Variants in FOXP2 observed in about 807,000 individuals in gnomAD.
FOXP2 encodes forkhead box P2.
A neutral mutation model predicts 115.8 loss-of-function variants in FOXP2; 12 were observed. That is an observed-to-expected ratio of 0.10 (90% CI 0.07 to 0.17). The LOEUF (loss-of-function observed/expected upper bound fraction) is 0.17, where lower values mean the gene tolerates loss of function less well. Ranked by LOEUF, FOXP2 falls within the 10% of genes least tolerant of loss-of-function variation. The probability of loss-of-function intolerance (pLI) is 1.00; values close to 1 mark genes in which losing one functional copy is unlikely to be tolerated. For synonymous variants in FOXP2, 328 were observed against 297.7 expected (o/e 1.10, Z -1.05); for missense variants, 629 against 843.5 (o/e 0.75, Z 3.15).
intron 3 of FOXP2, among the ~76,000 whole-genome samples, chr7:114,615,962 A>T (rs2129320611): frequency 1.3e-5 from 2 of 152,222 alleles, no homozygotes; most frequent in South Asian, 4.1e-4. Context: ...CTCTTTGTTT[A>T]ACACCTTCTT....
intron 1 of FOXP2, among the ~76,000 whole-genome samples, chr7:114,282,173 T>A (rs961864960): frequency 4.6e-5 from 7 of 152,212 alleles, no homozygotes; most frequent in Non-Finnish European, 8.8e-5. Context: ...TAGCTATAAT[T>A]AGTATTTATG....
chr7:114,454,951 A>G (rs1191843465), intron 2 of FOXP2, among the ~76,000 whole-genome samples: 2 of 147,114 alleles, frequency 1.4e-5, no homozygotes, highest in East Asian at 2.0e-4. Context: ...GCGCACCAGC[A>G]TGGCACATGT....
chr7:114,589,072 G>GA (rs1299127683), intron 3 of FOXP2, among the ~76,000 whole-genome samples: 1 of 151,894 alleles, frequency 6.6e-6, no homozygotes, highest in Non-Finnish European at 1.5e-5. Context: ...AGCTTTTTAA[G>GA]AAAAAATAAT....
At chr7:114,261,553 T>A (rs1795753734) in intron 1 of FOXP2, among the ~76,000 whole-genome samples, 1 of 152,174 alleles carries the variant, frequency 6.6e-6, no homozygotes, top group Non-Finnish European at 1.5e-5. Flanking sequence ...GTCAGAAAGC[T>A]CTGGAGTTAA....
chr7:114,093,382 A>G (rs985480780), intron 1 of FOXP2, among the ~76,000 whole-genome samples: 50 of 152,234 alleles, frequency 3.3e-4, no homozygotes, highest in Admixed American at 2.9e-3. Flanking sequence ...ATTTTTCTTT[A>G]TGGTACTATC....
intron 3 of FOXP2, among the ~76,000 whole-genome samples, chr7:114,607,082 A>T (rs1283602138): frequency 1.3e-5 from 2 of 152,116 alleles, no homozygotes; most frequent in East Asian, 3.9e-4. Context: ...GAGAATAGGG[A>T]TTCTCCTTGA....
At chr7:114,414,012 C>A (rs866933905), upstream of FOXP2, among the ~76,000 whole-genome samples, 3 of 152,060 alleles carry the variant, frequency 2.0e-5, no homozygotes, top group African/African-American at 7.2e-5. Context: ...CAGTGTCGTT[C>A]CTGTCTTGGG....
chr7:114,185,088 C>T (rs1793557459), intron 1 of FOXP2, among the ~76,000 whole-genome samples: 1 of 152,098 alleles, frequency 6.6e-6, no homozygotes, highest in African/African-American at 2.4e-5. Context: ...TATAATTTCC[C>T]CTAAAACATT....
intron 10 of FOXP2, among the ~76,000 whole-genome samples, chr7:114,655,635 G>C (rs1238624492): frequency 6.6e-6 from 1 of 152,082 alleles, no homozygotes. Flanking sequence ...TACAAAAGAA[G>C]CTTCAAAATT....
intron 16 of FOXP2, chr7:114,668,084 A>C (rs1049674020): frequency 1.2e-4 from 19 of 152,134 alleles, no homozygotes; most frequent in Non-Finnish European, 2.4e-4. Flanking sequence ...TCAAAAGGGA[A>C]GATGAAGAAT....
At chr7:114,517,309 G>T (rs1798394210) in intron 2 of FOXP2, among the ~76,000 whole-genome samples, 1 of 151,858 alleles carries the variant, frequency 6.6e-6, no homozygotes, top group African/African-American at 2.4e-5. Context: ...TCTCTTTATT[G>T]CTTGTTTCCT....
At chr7:114,457,566 T>C (rs1198626145) in intron 2 of FOXP2, among the ~76,000 whole-genome samples, 1 of 152,204 alleles carries the variant, frequency 6.6e-6, no homozygotes, top group Non-Finnish European at 1.5e-5. Flanking sequence ...GCTCATAGCC[T>C]TGTTTTGTAT....
At position 114,183,067 on chromosome 7, in the gene FOXP2, G is replaced by A. The variant is rs532859180; in HGVS notation, c.-102+19979G>A. On this transcript the variant is annotated intron_variant, in intron 1 of 17. Coordinates refer to the FOXP2 transcript ENST00000634411. ...TGCCTGCAGGGATCATCAGAATTGA[G>A]GGGGTGGTGGTAGAGGTCTGTATCA... Among the ~76,000 whole-genome samples the A allele has an allele frequency of 3.2e-3, 493 of 152,240 alleles. 1 individual carries two copies. The highest frequency in any genetic ancestry group is 4.8e-3 in the Non-Finnish European group (327 of 67,994).
At chr7:114,384,803 A>T (rs1408669681) in intron 2 of FOXP2, among the ~76,000 whole-genome samples, 1 of 151,698 alleles carries the variant, frequency 6.6e-6, no homozygotes, top group African/African-American at 2.4e-5. Flanking sequence ...GTTTCCTCTA[A>T]AAGTTACTTT....
intron 2 of FOXP2, among the ~76,000 whole-genome samples, chr7:114,349,450 A>T (rs1038538939): frequency 7.9e-5 from 12 of 152,128 alleles, no homozygotes; most frequent in African/African-American, 2.7e-4. Context: ...AAATATCCAG[A>T]GCCAGTATTT....
At chr7:114,363,322 G>C (rs1791795766) in intron 2 of FOXP2, among the ~76,000 whole-genome samples, 1 of 152,084 alleles carries the variant, frequency 6.6e-6, no homozygotes, top group Non-Finnish European at 1.5e-5. Flanking sequence ...TCTTATGGAA[G>C]CTCAGGGTTG....
chr7:114,667,427 T>C (rs1365422889), intron 16 of FOXP2: 2 of 152,080 alleles, frequency 1.3e-5, no homozygotes, highest in East Asian at 3.8e-4. Context: ...AGACTCTATC[T>C]GTCTCTAAAA....
chr7:114,565,470 T>G (rs2129293285), intron 3 of FOXP2, among the ~76,000 whole-genome samples: 1 of 152,210 alleles, frequency 6.6e-6, no homozygotes, highest in South Asian at 2.1e-4. Flanking sequence ...AGATGCTTGT[T>G]AAAATGCATA....
At chr7:114,584,189 A>C (rs1199263330) in intron 3 of FOXP2, among the ~76,000 whole-genome samples, 1 of 152,182 alleles carries the variant, frequency 6.6e-6, no homozygotes, top group Non-Finnish European at 1.5e-5. Context: ...CTTTTACATC[A>C]CACCATCTAT....
Sources: allele counts gnomAD v4.1 joint callset (sites outside exome capture counted in the v4.1 genomes callset), GRCh38; gene constraint gnomAD v4.1.1; transcripts MANE v1.5; gene names NCBI Gene and HGNC (gene_info 2026-07-23, HGNC 2026-07-21).